FMNL2: variants seen among roughly 807,000 people sequenced by gnomAD.
FMNL2 encodes formin-like protein 2.
A neutral mutation model predicts 130.2 loss-of-function variants in FMNL2; 51 were observed. That is an observed-to-expected ratio of 0.39 (90% CI 0.31 to 0.49). The LOEUF (loss-of-function observed/expected upper bound fraction) is 0.49. Among genes scored for constraint, FMNL2 ranks in the 20% least tolerant of loss-of-function variants. The probability of loss-of-function intolerance (pLI) is 0.85; values close to 1 mark genes in which losing one functional copy is unlikely to be tolerated. For missense variants in FMNL2, 977 were observed against 1,316.2 expected (o/e 0.74, Z 3.99); for synonymous variants, 465 against 467.1 (o/e 1.00, Z 0.06).
intron 6 of FMNL2, 60 bp from the exon 7 acceptor site, chr2:152,575,076 A>G (rs1467306283): frequency 2.0e-6 from 2 of 982,938 alleles, no homozygotes; most frequent in East Asian, 2.6e-5. Context: ...TGTTAAGTGC[A>G]TGTGCCTATG....
chr2:152,510,535 G>T (rs1225715677), intron 1 of FMNL2, among the ~76,000 whole-genome samples: 1 of 152,184 alleles, frequency 6.6e-6, no homozygotes, highest in East Asian at 1.9e-4. Context: ...TTATGAAAGT[G>T]TTCCCTTAGA....
At chr2:152,452,545 C>T (rs1423675640) in intron 1 of FMNL2, among the ~76,000 whole-genome samples, 3 of 144,504 alleles carry the variant, frequency 2.1e-5, no homozygotes, top group Non-Finnish European at 3.1e-5. Context: ...CCTCCCCCCC[C>T]TAGTTTTCTT....
Position 152,596,289 on chromosome 2 carries a change from G to T in FMNL2, c.877-11050G>T, listed in dbSNP as rs370274245. On this transcript the variant is annotated intron_variant, in intron 9 of 25. Coordinates refer to ENST00000288670, the MANE Select transcript of FMNL2 (RefSeq NM_052905.4). Reference sequence around the variant, plus strand: ...TCTTTTTTTTCTACCTTGGAAAATGGTGGAGGGCTCCTTTCTATATGAAGA... The same window carrying T: ...TCTTTTTTTTCTACCTTGGAAAATGTTGGAGGGCTCCTTTCTATATGAAGA... Among the ~76,000 whole-genome samples, 2 of 152,146 alleles carry T rather than the reference G, an allele frequency of 1.3e-5. 1 individual carries two copies. Among genetic ancestry groups the T allele is most frequent in the East Asian group, 3.9e-4 (2 of 5,192 alleles).
intron 1 of FMNL2, among the ~76,000 whole-genome samples, chr2:152,498,631 T>C (rs1281547099): frequency 6.6e-6 from 1 of 152,222 alleles, no homozygotes; most frequent in Non-Finnish European, 1.5e-5. Flanking sequence ...TATTGTCACA[T>C]TGTTCTTTCA....
At chr2:152,358,083 G>C (rs79769430) in intron 1 of FMNL2, among the ~76,000 whole-genome samples, 1 of 152,174 alleles carries the variant, frequency 6.6e-6, no homozygotes, top group African/African-American at 2.4e-5. Flanking sequence ...CTGATTCACT[G>C]AGTCTGCTGA....
chr2:152,630,207 TG>T (rs1682067217), intron 20 of FMNL2, among the ~76,000 whole-genome samples: 1 of 152,254 alleles, frequency 6.6e-6, no homozygotes, highest in Non-Finnish European at 1.5e-5. Context: ...TTAAATGTGC[TG>T]TAACACTAGT....
At chr2:152,602,391 G>C (rs1698126867) in intron 9 of FMNL2, among the ~76,000 whole-genome samples, 1 of 152,170 alleles carries the variant, frequency 6.6e-6, no homozygotes, top group African/African-American at 2.4e-5. Flanking sequence ...TTGTCTGCTG[G>C]TTTACTTAAT....
intron 2 of FMNL2, among the ~76,000 whole-genome samples, chr2:152,522,557 A>G (rs899012290): frequency 6.6e-6 from 1 of 152,196 alleles, no homozygotes; most frequent in Non-Finnish European, 1.5e-5. Flanking sequence ...TAATTGAATT[A>G]TGGGGGCAGG....
intron 25 of FMNL2, among the ~76,000 whole-genome samples, chr2:152,646,705 T>C (rs1683609141): frequency 6.6e-6 from 1 of 152,186 alleles, no homozygotes; most frequent in South Asian, 2.1e-4. Context: ...AATTCTGTTA[T>C]TTGTTTGTAT....
At chr2:152,427,570 C>A (rs1687265377) in intron 1 of FMNL2, among the ~76,000 whole-genome samples, 1 of 152,126 alleles carries the variant, frequency 6.6e-6, no homozygotes, top group African/African-American at 2.4e-5. Flanking sequence ...AAAATGAAAT[C>A]ATTTTTTGTT....
chr2:152,577,393 A>C (rs1024130797), intron 7 of FMNL2, among the ~76,000 whole-genome samples: 1 of 152,196 alleles, frequency 6.6e-6, no homozygotes, highest in Non-Finnish European at 1.5e-5. Context: ...AGACATTCAA[A>C]TGGTGATCTT....
chr2:152,519,573 C>CA (rs1396154510), intron 1 of FMNL2, among the ~76,000 whole-genome samples: 3 of 152,016 alleles, frequency 2.0e-5, no homozygotes, highest in African/African-American at 7.2e-5. Context: ...TGCTCTCCTG[C>CA]AAAAAAAGCT....
chr2:152,353,540 C>A (rs547409893), intron 1 of FMNL2, among the ~76,000 whole-genome samples: 1 of 152,300 alleles, frequency 6.6e-6, no homozygotes, highest in African/African-American at 2.4e-5. Flanking sequence ...GTCTATTTAA[C>A]AAAGCTTGTT....
At chr2:152,393,673 T>G (rs1330252014) in intron 1 of FMNL2, among the ~76,000 whole-genome samples, 1 of 152,350 alleles carries the variant, frequency 6.6e-6, no homozygotes, top group South Asian at 2.1e-4. Context: ...TTTCTTTTAC[T>G]TTAAAAAAAT....
chr2:152,345,269 G>A (rs1427196560), intron 1 of FMNL2, among the ~76,000 whole-genome samples: 1 of 152,046 alleles, frequency 6.6e-6, no homozygotes, highest in Non-Finnish European at 1.5e-5. Flanking sequence ...TGGTGGGGAA[G>A]GTAAAGAAGA....
chr2:152,365,367 T>C (rs1683457437), intron 1 of FMNL2, among the ~76,000 whole-genome samples: 1 of 152,032 alleles, frequency 6.6e-6, no homozygotes, highest in Non-Finnish European at 1.5e-5. Context: ...TAGAAGAACA[T>C]AGTCTCTGTG....
At chr2:152,537,738 A>T (rs749989687) in intron 2 of FMNL2, among the ~76,000 whole-genome samples, 6 of 152,232 alleles carry the variant, frequency 3.9e-5, no homozygotes, top group Non-Finnish European at 8.8e-5. Context: ...GAAGAATAGA[A>T]CATGTTTCCA....
intron 1 of FMNL2, among the ~76,000 whole-genome samples, chr2:152,402,096 G>A (rs1330177322): frequency 6.6e-6 from 1 of 151,774 alleles, no homozygotes; most frequent in Non-Finnish European, 1.5e-5. Flanking sequence ...TAGAGACAGG[G>A]TTTCACCATG....
intron 1 of FMNL2, among the ~76,000 whole-genome samples, chr2:152,513,544 A>G (rs1371246952): frequency 6.6e-6 from 1 of 152,204 alleles, no homozygotes; most frequent in African/African-American, 2.4e-5. Flanking sequence ...TTGGTCACCT[A>G]TAAAAGACAG....
Sources: allele counts gnomAD v4.1 joint callset (sites outside exome capture counted in the v4.1 genomes callset), GRCh38; gene constraint gnomAD v4.1.1; transcripts MANE v1.5; gene names NCBI Gene and HGNC (gene_info 2026-07-23, HGNC 2026-07-21).